The following SOS2 variants were observed in gnomAD, a reference collection of about 807,000 sequenced individuals.
The protein encoded by SOS2 is SOS Ras/Rho guanine nucleotide exchange factor 2, also known as son of sevenless homolog 2.
SOS2 carries 65 observed loss-of-function variants against 148.2 expected under a neutral mutation model. The ratio of observed to expected loss-of-function variants is 0.44; its 90% CI spans 0.36 to 0.54. SOS2 has a LOEUF of 0.54. Ranked by LOEUF, SOS2 falls within the 20% of genes least tolerant of loss-of-function variation. The probability of loss-of-function intolerance (pLI) is 0.00; values close to 1 mark genes in which losing one functional copy is unlikely to be tolerated. For missense variants in SOS2, 1,341 were observed against 1,590.2 expected, an observed-to-expected ratio of 0.84 and a Z score of 2.67; for synonymous variants, 539 against 537.1, an observed-to-expected ratio of 1.00 and a Z score of -0.05.
chr14:50,201,038 A>G lies in SOS2; in HGVS notation c.260T>C (p.Ile87Thr), dbSNP rs747274422. Residue 87 changes from isoleucine to threonine, a missense_variant, in exon 3 of 23, where the codon ATT becomes ACT. Ile to Thr is a moderately conservative substitution (Grantham distance 89). This residue lies in a region of SOS2 where 574 missense variants were observed against 711.1 expected (regional missense o/e 0.81). Coordinates refer to ENST00000216373, the MANE Select transcript of SOS2 (RefSeq NM_006939.4). ...TFPHPIDKWA[I>T]ADAQSAIEKR... is the part of the protein sequence containing the mutation. ...TTCTATAGCAGATTGTGCATCAGCAATGGCCCATTTATCAATTGGGTGAGG... is the reference window on the plus strand; with the variant it reads ...TTCTATAGCAGATTGTGCATCAGCAGTGGCCCATTTATCAATTGGGTGAGG... The G allele has an allele frequency of 1.1e-5, 17 of 1,613,546 alleles. No homozygotes were observed. Among genetic ancestry groups the G allele is most frequent in the East Asian group, 2.2e-5 (1 of 44,876 alleles).
At chr14:50,125,768 C>T (rs955909313) in intron 21 of SOS2, among the ~76,000 whole-genome samples, 4 of 152,172 alleles carry the variant, frequency 2.6e-5, no homozygotes, top group African/African-American at 9.7e-5. Context: ...ATTCTCCTCT[C>T]CCCTACTTAG....
intron 16 of SOS2, among the ~76,000 whole-genome samples, chr14:50,144,594 T>C (rs1211983823): frequency 1.3e-5 from 2 of 151,862 alleles, no homozygotes. Flanking sequence ...TGCGCCACCA[T>C]GCCCAGCTAA....
At chr14:50,179,446 G>A (rs549945182) in intron 7 of SOS2, among the ~76,000 whole-genome samples, 5 of 152,056 alleles carry the variant, frequency 3.3e-5, no homozygotes, top group East Asian at 1.9e-4. Context: ...GTGCAGTGGC[G>A]TGATCATGAC....
intron 21 of SOS2, among the ~76,000 whole-genome samples, 161 bp downstream of exon 21, chr14:50,129,800 T>C (rs535026545): frequency 6.6e-6 from 1 of 152,358 alleles, no homozygotes; most frequent in East Asian, 1.9e-4. Context: ...AAATAAACTA[T>C]AGTGAAGCTT....
At chr14:50,206,833 GAC>G (rs1263685440) in intron 1 of SOS2, among the ~76,000 whole-genome samples, 2 of 151,846 alleles carry the variant, frequency 1.3e-5, no homozygotes, top group Non-Finnish European at 2.9e-5. Flanking sequence ...ATTTTTTTGA[GAC>G]AGAGTCTCAT....
intron 1 of SOS2, among the ~76,000 whole-genome samples, chr14:50,226,715 G>A (rs1478088505): frequency 6.6e-6 from 1 of 152,114 alleles, no homozygotes; most frequent in Non-Finnish European, 1.5e-5. Flanking sequence ...CAAGAAAACA[G>A]CCATGTTCTT....
intron 1 of SOS2, among the ~76,000 whole-genome samples, chr14:50,212,196 C>A (rs148491101): frequency 0.011 from 1,684 of 152,364 alleles, 15 homozygotes; most frequent in Non-Finnish European, 0.019. Flanking sequence ...TCAAAACAGG[C>A]CAGGCGCGGT....
At chr14:50,139,907 T>C in intron 17 of SOS2, 35 bp downstream of exon 17, 1 of 1,056,900 alleles carries the variant, frequency 9.5e-7, no homozygotes, top group Non-Finnish European at 1.5e-6. Flanking sequence ...TATCACACGC[T>C]CACCCTCAAA....
chr14:50,203,287 G>C lies in SOS2; in HGVS notation c.213+997C>G, dbSNP rs1886554891. Among the ~76,000 whole-genome samples the C allele has an allele frequency of 2.0e-5, 3 of 152,130 alleles. No individual in the cohort carries two copies. The South Asian group carries it at 6.2e-4, about 32-fold the overall frequency. On this transcript the variant is annotated intron_variant, in intron 2 of 22. Transcript: ENST00000216373. ...GGAGGCTGAGGCAGGAGAATAGCTT[G>C]AACCTGGGTAGCTGAGGTTGCAGTG...
intron 1 of SOS2, among the ~76,000 whole-genome samples, chr14:50,214,897 G>A (rs1034413046): frequency 6.0e-5 from 9 of 149,838 alleles, no homozygotes; most frequent in Non-Finnish European, 7.4e-5. Flanking sequence ...GTGCAGTGGC[G>A]CGATCTCAGC....
In SOS2 at chr14:50,130,576, T is replaced by G; in HGVS notation, c.3262A>C (p.Thr1088Pro). Residue 1088 changes from threonine to proline, a missense_variant, in exon 20 of 23, where the codon ACA becomes CCA. Physicochemically the swap from Thr to Pro is conservative, Grantham distance 38. Coordinates refer to ENST00000216373, the MANE Select transcript of SOS2 (RefSeq NM_006939.4). Reference sequence around the variant, plus strand: ...GCAGATACTGGTGGAGTAGATGGTGTATTTGGAGAGGTTGGTGCTGACACT... The same window carrying G: ...GCAGATACTGGTGGAGTAGATGGTGGATTTGGAGAGGTTGGTGCTGACACT... ...STVSAPTSPNTPSTPPVSASS... is the reference protein window; with the variant it reads ...STVSAPTSPNPPSTPPVSASS... The G allele has an allele frequency of 6.2e-7, 1 of 1,613,908 alleles. No homozygotes were observed. The highest frequency in any genetic ancestry group is 1.1e-5 in the South Asian group (1 of 91,080).
chr14:50,158,950 C>T (rs1042061403), intron 10 of SOS2, among the ~76,000 whole-genome samples: 9 of 151,904 alleles, frequency 5.9e-5, no homozygotes, highest in Admixed American at 3.9e-4. Context: ...TTTGGGAGGC[C>T]GAGGTGGGCG....
rs1887466788 is a variant in SOS2 at position 50,229,267 on chromosome 14, T to C, written c.87+1930A>G. Among the ~76,000 whole-genome samples, 2 of 152,176 alleles carry C rather than the reference T, an allele frequency of 1.3e-5. 1 individual carries two copies. Among genetic ancestry groups the C allele is most frequent in the African/African-American group, 4.8e-5 (2 of 41,444 alleles). On this transcript the variant is annotated intron_variant, in intron 1 of 22. Coordinates refer to ENST00000216373, the MANE Select transcript of SOS2 (RefSeq NM_006939.4). ...TAAAAAAATTTTCCATACGTATGTA[T>C]TTCAATTCTATCACAACAGTAAGTT... is the stretch of plus-strand genomic sequence containing the variant.
chr14:50,156,951 G>GTATATA, intron 12 of SOS2, 48 bp downstream of exon 12: 1 of 844,202 alleles, frequency 1.2e-6, no homozygotes, highest in Non-Finnish European at 1.8e-6. Flanking sequence ...GTGTGTGTGT[G>GTATATA]TATATATATG....
intron 11 of SOS2, 131 bp from the exon 12 acceptor site, chr14:50,157,252 G>C: frequency 1.1e-6 from 1 of 932,830 alleles, no homozygotes; most frequent in South Asian, 2.0e-5. Context: ...CTTGAGGTAT[G>C]ATATACTACA....
chr14:50,153,072 C>A lies in SOS2; in HGVS notation c.2159G>T (p.Arg720Ile). The change falls in exon 13 of 23, where the codon AGA (arginine) becomes ATA (isoleucine). Residue 720 changes from arginine (R) to isoleucine (I), a missense_variant and splice_region_variant. Physicochemically the swap from Arg to Ile is moderately conservative, Grantham distance 97. This residue lies in a region of SOS2 where 408 missense variants were observed against 506.6 expected (regional missense o/e 0.81). Transcript: ENST00000216373. The part of the protein sequence containing the change: ...ERLESFISSV[R>I]GKAMKKWVES... The stretch of plus-strand genomic sequence containing the variant: ...AATCAAACCTTTATATAATATACCT[C>A]TTACACTTGAAATGAAGGATTCTAG... 6.7e-7 allele frequency: 1 copy of A among 1,483,128 alleles called. No homozygotes were observed. Among genetic ancestry groups the A allele is most frequent in the Non-Finnish European group, 9.4e-7 (1 of 1,066,132 alleles). 91.9% of individuals were successfully genotyped at this position (1,483,128 alleles called of 1,614,324 possible). A position where few individuals can be genotyped will look rare whatever the true frequency, so the allele number is the denominator to read the frequency against.
intron 21 of SOS2, among the ~76,000 whole-genome samples, chr14:50,125,673 A>T (rs1883659076): frequency 6.6e-6 from 1 of 152,188 alleles, no homozygotes; most frequent in Admixed American, 6.5e-5. Flanking sequence ...AGGATTCAGG[A>T]GCTAAAGGCA....
At chr14:50,170,160 T>C (rs561023514) in intron 8 of SOS2, among the ~76,000 whole-genome samples, 13 of 151,412 alleles carry the variant, frequency 8.6e-5, no homozygotes, top group Non-Finnish European at 1.8e-4. Flanking sequence ...CTTGAACTCC[T>C]GGGCTCAAGT....
At chr14:50,140,341 T>C (rs990069859) in intron 16 of SOS2, among the ~76,000 whole-genome samples, 2 of 152,196 alleles carry the variant, frequency 1.3e-5, no homozygotes, top group African/African-American at 4.8e-5. Context: ...GGGTTTCAAG[T>C]CATAGCTGTA....
Sources: allele counts gnomAD v4.1 joint callset (sites outside exome capture counted in the v4.1 genomes callset), GRCh38; gene constraint gnomAD v4.1.1; regional missense constraint gnomAD v4.1.1; transcripts MANE v1.5; gene names NCBI Gene and HGNC (gene_info 2026-07-23, HGNC 2026-07-21).